DISC1: variants seen among roughly 807,000 people sequenced by gnomAD.
DISC1 encodes DISC1 scaffold protein.
In DISC1, 57 loss-of-function variants were observed where a neutral mutation model predicts 84.5. That is an observed-to-expected ratio of 0.67 (90% CI 0.55 to 0.84). The LOEUF is 0.84. Ranked by LOEUF, DISC1 falls within the 40% of genes least tolerant of loss-of-function variation. The pLI is 0.00. For synonymous variants in DISC1, 411 were observed against 415.2 expected, an observed-to-expected ratio of 0.99 and a Z score of 0.12; for missense variants, 1,000 against 1,057.8, an observed-to-expected ratio of 0.95 and a Z score of 0.76.
intron 10 of DISC1, chr1:231,959,571 C>A: frequency 1.1e-6 from 1 of 882,272 alleles, no homozygotes; most frequent in Non-Finnish European, 1.4e-6. Flanking sequence ...TGTTAAGTAA[C>A]TCTTTAGATA....
intron 9 of DISC1, among the ~76,000 whole-genome samples, chr1:231,943,029 C>T (rs537742422): frequency 1.8e-4 from 27 of 152,334 alleles, no homozygotes; most frequent in African/African-American, 4.1e-4. Flanking sequence ...CTGTGGATAT[C>T]GGTAAAAGCA....
chr1:231,637,888 TTTA>T (rs2059328634), intron 1 of DISC1, among the ~76,000 whole-genome samples: 1 of 152,228 alleles, frequency 6.6e-6, no homozygotes, highest in Admixed American at 6.5e-5. Flanking sequence ...AAATGGTAGT[TTTA>T]TTTTTAGTTC....
chr1:232,006,296 G>A (rs1489889402), intron 10 of DISC1, among the ~76,000 whole-genome samples: 8 of 152,316 alleles, frequency 5.3e-5, no homozygotes, highest in East Asian at 1.9e-4. Flanking sequence ...AGGAAGATGT[G>A]GGAAAGTTTG....
intron 1 of DISC1, among the ~76,000 whole-genome samples, chr1:231,647,420 T>C (rs1051715443): frequency 1.3e-5 from 2 of 152,270 alleles, no homozygotes; most frequent in African/African-American, 4.8e-5. Context: ...TCCATTGGTC[T>C]ATCTCTCTGT....
chr1:231,972,612 T>A (rs1662159589), intron 10 of DISC1, among the ~76,000 whole-genome samples: 1 of 152,164 alleles, frequency 6.6e-6, no homozygotes, highest in Non-Finnish European at 1.5e-5. Flanking sequence ...GAGATACAAA[T>A]CTCAAGAGAC....
At chr1:231,762,118 TTTC>T (rs1321996948) in intron 4 of DISC1, among the ~76,000 whole-genome samples, 157 of 152,062 alleles carry the variant, frequency 1.0e-3, no homozygotes, top group African/African-American at 3.5e-3. Context: ...TTTCCTTTCT[TTTC>T]TTTTTTCTTT....
At chr1:231,925,134 T>C (rs144098094) in intron 9 of DISC1, among the ~76,000 whole-genome samples, 13 of 152,240 alleles carry the variant, frequency 8.5e-5, no homozygotes, top group African/African-American at 2.6e-4. Flanking sequence ...AACTTTTGGC[T>C]GCTCCCCTAT....
chr1:231,703,871 G>T (rs575266731), intron 3 of DISC1, among the ~76,000 whole-genome samples: 261 of 152,308 alleles, frequency 1.7e-3, no homozygotes, highest in Non-Finnish European at 3.1e-3. Context: ...CCTTCCTGGT[G>T]ACTGGGGTGT....
At chr1:231,663,763 G>T (rs1558275221) in intron 1 of DISC1, among the ~76,000 whole-genome samples, 1 of 152,076 alleles carries the variant, frequency 6.6e-6, no homozygotes, top group Non-Finnish European at 1.5e-5. Flanking sequence ...TAATCTATTT[G>T]TTTGGTCTCC....
chr1:232,035,890 C>T (rs1030142418), intron 12 of DISC1, among the ~76,000 whole-genome samples: 1 of 152,214 alleles, frequency 6.6e-6, no homozygotes, highest in African/African-American at 2.4e-5. Context: ...AAGAGAACTA[C>T]AGCCTTATCT....
chr1:231,650,272 T>C (rs1369504373), intron 1 of DISC1, among the ~76,000 whole-genome samples: 1 of 152,200 alleles, frequency 6.6e-6, no homozygotes, highest in Non-Finnish European at 1.5e-5. Context: ...TAACAAAATC[T>C]CTGAGCATTT....
intron 9 of DISC1, among the ~76,000 whole-genome samples, chr1:231,831,513 G>T (rs56176872): frequency 6.6e-6 from 1 of 151,518 alleles, no homozygotes; most frequent in African/African-American, 2.4e-5. Flanking sequence ...AAAACTGGCC[G>T]TGAGGGACAG....
intron 1 of DISC1, among the ~76,000 whole-genome samples, chr1:231,690,253 G>C (rs1365555377): frequency 2.0e-5 from 3 of 152,174 alleles, no homozygotes; most frequent in Non-Finnish European, 2.9e-5. Context: ...AGGAAGTAAG[G>C]CATCAGCGCT....
At position 231,863,220 on chromosome 1, in the gene DISC1, C is replaced by CTTT. The variant is rs533463099; in HGVS notation, c.1981+44733_1981+44735dup. 6.1e-3 allele frequency among the ~76,000 whole-genome samples: 336 copies of CTTT among 54,782 alleles called. 50 individuals carry two copies. The highest frequency in any genetic ancestry group is 7.0e-3 in the Non-Finnish European group (228 of 32,388). The allele number at this position is 54,782 out of a possible 152,430, so 35.9% of individuals were successfully genotyped here. On this transcript the variant is annotated intron_variant, in intron 9 of 12. Transcript: ENST00000439617. ...TGATTGACATAGTTTATAAAATGTTCTTTTTTTTTTTTTTTTTTTTTTTTT... is the reference window on the plus strand; with the variant it reads ...TGATTGACATAGTTTATAAAATGTTCTTTTTTTTTTTTTTTTTTTTTTTTTTTT...
intron 6 of DISC1, among the ~76,000 whole-genome samples, chr1:231,777,375 C>T (rs1221252572): frequency 2.0e-5 from 3 of 152,086 alleles, no homozygotes; most frequent in Non-Finnish European, 4.4e-5. Context: ...TGCATGTCAC[C>T]ATGCCAGGCT....
intron 9 of DISC1, among the ~76,000 whole-genome samples, chr1:231,883,207 A>C (rs2086418678): frequency 6.6e-6 from 1 of 152,142 alleles, no homozygotes; most frequent in African/African-American, 2.4e-5. Flanking sequence ...GTCTTGAATA[A>C]CCATTCATTC....
At chr1:231,792,338 G>A (rs2078412620) in intron 6 of DISC1, among the ~76,000 whole-genome samples, 1 of 152,238 alleles carries the variant, frequency 6.6e-6, no homozygotes, top group Admixed American at 6.5e-5. Context: ...GTCAACCCCT[G>A]GAAAGATGGT....
At chr1:231,872,350 TTTC>T (rs1258369508) in intron 9 of DISC1, among the ~76,000 whole-genome samples, 1 of 152,170 alleles carries the variant, frequency 6.6e-6, no homozygotes, top group Non-Finnish European at 1.5e-5. Context: ...GCTTGAAAAC[TTTC>T]TTATTACTCC....
intron 1 of DISC1, 94 bp downstream of exon 1, chr1:231,627,028 G>T: frequency 1.1e-6 from 1 of 881,744 alleles, no homozygotes; most frequent in Middle Eastern, 2.2e-4. Context: ...AGGTCAGGGC[G>T]TGCCTCTGTT....
Sources: gnomAD v4.1 joint callset for allele counts (sites outside exome capture counted in the v4.1 genomes callset) on GRCh38, gnomAD v4.1.1 for gene constraint, MANE v1.5 for transcripts, NCBI Gene and HGNC (gene_info 2026-07-23, HGNC 2026-07-21) for gene names.